The following FSTL5 variants were observed in gnomAD, a reference collection of about 807,000 sequenced individuals.
The protein encoded by FSTL5 is follistatin like 5, also known as follistatin-related protein 5.
In FSTL5, 62 loss-of-function variants were observed where a neutral mutation model predicts 89.1. The ratio of observed to expected loss-of-function variants is 0.70; its 90% confidence interval spans 0.57 to 0.86. FSTL5 has a LOEUF of 0.86. Ranked by LOEUF, FSTL5 falls within the 40% of genes least tolerant of loss-of-function variation. The pLI is 0.00. For synonymous variants in FSTL5, 383 were observed against 346.2 expected, an observed-to-expected ratio of 1.11 and a Z score of -1.18; for missense variants, 1,057 against 1,001.6, an observed-to-expected ratio of 1.06 and a Z score of -0.75.
chr4:161,893,038 C>G (rs1218251078), intron 4 of FSTL5, among the ~76,000 whole-genome samples: 2 of 152,098 alleles, frequency 1.3e-5, no homozygotes, highest in Non-Finnish European at 2.9e-5. Flanking sequence ...TGTTTTAACA[C>G]TTAGTCATAC....
intron 15 of FSTL5, among the ~76,000 whole-genome samples, chr4:161,440,025 A>G (rs1455002917): frequency 6.6e-6 from 1 of 152,166 alleles, no homozygotes; most frequent in Non-Finnish European, 1.5e-5. Flanking sequence ...AGAAGCAGAT[A>G]ATGCCAAACA....
intron 3 of FSTL5, among the ~76,000 whole-genome samples, chr4:162,029,311 G>C (rs1737427095): frequency 1.3e-5 from 2 of 151,936 alleles, no homozygotes; most frequent in Admixed American, 6.6e-5. Flanking sequence ...AAGAATATTT[G>C]CTTTATACGA....
intron 4 of FSTL5, among the ~76,000 whole-genome samples, chr4:161,878,417 A>G (rs534421393): frequency 6.6e-6 from 1 of 152,160 alleles, no homozygotes; most frequent in South Asian, 2.1e-4. Context: ...TTACTTTAAT[A>G]GTCTATGTAA....
At chr4:161,698,796 A>G (rs1738276674) in intron 6 of FSTL5, among the ~76,000 whole-genome samples, 1 of 152,092 alleles carries the variant, frequency 6.6e-6, no homozygotes, top group Non-Finnish European at 1.5e-5. Context: ...ACAAACAAAT[A>G]AAACTTAGCA....
chr4:161,718,781 C>T (rs531123732), intron 6 of FSTL5, among the ~76,000 whole-genome samples: 2 of 152,098 alleles, frequency 1.3e-5, no homozygotes, highest in African/African-American at 2.4e-5. Context: ...ATAAGTTTTA[C>T]TCTCTATATA....
chr4:161,509,482 G>A (rs1201382142), intron 11 of FSTL5, among the ~76,000 whole-genome samples: 1 of 151,802 alleles, frequency 6.6e-6, no homozygotes, highest in Non-Finnish European at 1.5e-5. Context: ...AAGATTTAAG[G>A]AGCAACGGGA....
chr4:161,752,633 A>G lies in FSTL5; in HGVS notation c.727+6778T>C, dbSNP rs142777071. Among the ~76,000 whole-genome samples, 8 of 152,216 alleles carry G rather than the reference A, an allele frequency of 5.3e-5. 1 individual carries two copies. In the East Asian group the frequency reaches 1.4e-3, roughly 26 times the overall value. On this transcript the variant is annotated intron_variant, in intron 6 of 15. Coordinates refer to ENST00000306100, the MANE Select transcript of FSTL5 (RefSeq NM_020116.5). ...ATTCAGCTTTGAAAAATGTTCATCA[A>G]TTCTTCCTTAGTAAAATGTCATGGT...
rs1406354385 is a variant in FSTL5, at chr4:161,510,390, C to T, written c.1339+8G>A. The T allele has an allele frequency of 2.6e-6, 4 of 1,522,970 alleles. No homozygotes were observed. Among genetic ancestry groups the T allele is most frequent in the Non-Finnish European group, 2.7e-6 (3 of 1,131,722 alleles). The allele number at this position is 1,522,970 out of a possible 1,614,324, so 94.3% of individuals were successfully genotyped here. On this transcript the variant is annotated splice_region_variant and intron_variant, in intron 11 of 15. Transcript: ENST00000306100. ...TTGTCACAACATAAAAATAATTCAACTTAGTACCTTCTTCTCTCCATAATA... is the reference window on the plus strand; with the variant it reads ...TTGTCACAACATAAAAATAATTCAATTTAGTACCTTCTTCTCTCCATAATA...
At chr4:162,025,591 G>T (rs1168958405) in intron 3 of FSTL5, among the ~76,000 whole-genome samples, 1 of 151,948 alleles carries the variant, frequency 6.6e-6, no homozygotes, top group Non-Finnish European at 1.5e-5. Context: ...GTGTCCTGTG[G>T]ATAATGATTC....
intron 3 of FSTL5, among the ~76,000 whole-genome samples, chr4:162,018,123 G>A (rs1412198137): frequency 1.3e-5 from 2 of 152,026 alleles, no homozygotes; most frequent in East Asian, 1.9e-4. Context: ...CTGCTTCCAG[G>A]TCCTACACAG....
chr4:162,091,480 T>TG (rs35888027), intron 2 of FSTL5, among the ~76,000 whole-genome samples: 2 of 152,066 alleles, frequency 1.3e-5, no homozygotes, highest in Admixed American at 1.3e-4. Flanking sequence ...GGTTTTGGGG[T>TG]GGGGGGTTAC....
intron 13 of FSTL5, among the ~76,000 whole-genome samples, chr4:161,466,302 A>G (rs1733745523): frequency 6.6e-6 from 1 of 152,188 alleles, no homozygotes; most frequent in Admixed American, 6.5e-5. Flanking sequence ...TGCATATACA[A>G]CAAAGTTAAA....
chr4:161,588,650 G>T (rs979060011), intron 7 of FSTL5, among the ~76,000 whole-genome samples: 2 of 152,068 alleles, frequency 1.3e-5, no homozygotes, highest in African/African-American at 4.8e-5. Context: ...AATAGAGAAA[G>T]GTTCACAATA....
At chr4:161,718,682 C>G (rs1262440550) in intron 6 of FSTL5, among the ~76,000 whole-genome samples, 2 of 152,136 alleles carry the variant, frequency 1.3e-5, no homozygotes, top group African/African-American at 4.8e-5. Flanking sequence ...CCCACCTCAG[C>G]CTCCCAAAGT....
intron 4 of FSTL5, among the ~76,000 whole-genome samples, chr4:161,817,005 C>CA (rs1476116966): frequency 1.1e-4 from 16 of 152,024 alleles, no homozygotes; most frequent in Non-Finnish European, 2.2e-4. Flanking sequence ...TAGAGTTGAA[C>CA]AAAAAAATAA....
chr4:161,664,098 T>C (rs1736806654), intron 6 of FSTL5, among the ~76,000 whole-genome samples: 1 of 152,194 alleles, frequency 6.6e-6, no homozygotes, highest in South Asian at 2.1e-4. Context: ...CTGTTCCTCC[T>C]GGGCCTCTGG....
rs397996028 is a variant in FSTL5, at chr4:162,026,304, C to CTTTTTTTTTTTTTTTTTTTTTTTTTTTTT, written c.160+7320_160+7321insAAAAAAAAAAAAAAAAAAAAAAAAAAAAA. ...TTTCAGGAGACAGCTTATGTATTTT[C>CTTTTTTTTTTTTTTTTTTTTTTTTTTTTT]TTTTTTTTTTTTTTTCTTTTTGAGA... On this transcript the variant is annotated intron_variant, in intron 3 of 15. Transcript: ENST00000306100. Among the ~76,000 whole-genome samples the CTTTTTTTTTTTTTTTTTTTTTTTTTTTTT allele has an allele frequency of 2.4e-4, 19 of 79,480 alleles. 1 individual carries two copies. The highest frequency in any genetic ancestry group is 2.9e-4 in the African/African-American group (6 of 20,420). 52.1% of individuals were successfully genotyped at this position (79,480 alleles called of 152,430 possible).
chr4:162,111,893 TA>T (rs1424576697), intron 1 of FSTL5, among the ~76,000 whole-genome samples: 1 of 152,188 alleles, frequency 6.6e-6, no homozygotes, highest in Non-Finnish European at 1.5e-5. Context: ...TAGTACTTAA[TA>T]AATTAACTGA....
intron 15 of FSTL5, among the ~76,000 whole-genome samples, chr4:161,410,938 A>G (rs1560881229): frequency 8.3e-6 from 1 of 120,318 alleles, no homozygotes; most frequent in African/African-American, 2.9e-5. Flanking sequence ...AATGAAACCA[A>G]GGGTTGGTTG....
Sources: allele counts gnomAD v4.1 joint callset (sites outside exome capture counted in the v4.1 genomes callset), GRCh38; gene constraint gnomAD v4.1.1; transcripts MANE v1.5; gene names NCBI Gene and HGNC (gene_info 2026-07-23, HGNC 2026-07-21).